Variants in CEP350 observed in about 807,000 individuals in gnomAD.
CEP350 encodes centrosomal protein 350.
Under a neutral mutation model 331.8 loss-of-function variants are expected in CEP350, and 126 were observed. The ratio of observed to expected loss-of-function variants is 0.38; its 90% CI spans 0.33 to 0.44. The LOEUF (loss-of-function observed/expected upper bound fraction) is 0.44, where lower values mean the gene tolerates loss of function less well. Among genes scored for constraint, CEP350 ranks in the 20% least tolerant of loss-of-function variants. The pLI is 1.00. For synonymous variants in CEP350, 1,200 were observed against 1,259.5 expected (o/e 0.95, Z 1.00); for missense variants, 3,406 against 3,634.6 (o/e 0.94, Z 1.62).
At chr1:180,071,459 C>CAAAAAA (rs35037785) in intron 27 of CEP350, among the ~76,000 whole-genome samples, 1 of 76,198 alleles carries the variant, frequency 1.3e-5, no homozygotes. Context: ...AACTCCATCT[C>CAAAAAA]AAAAAAAAAA....
intron 21 of CEP350, among the ~76,000 whole-genome samples, chr1:180,047,775 A>G (rs1389227629): frequency 6.8e-6 from 1 of 146,792 alleles, no homozygotes; most frequent in Non-Finnish European, 1.5e-5. Context: ...AAAAAAAAAA[A>G]AAAGAAAAGA....
intron 7 of CEP350, among the ~76,000 whole-genome samples, chr1:180,004,072 G>C (rs577178392): frequency 3.3e-5 from 5 of 152,164 alleles, no homozygotes; most frequent in Non-Finnish European, 5.9e-5. Context: ...GAAGAATAAT[G>C]TAATAGTTAA....
chr1:180,020,159 A>G lies in CEP350; in HGVS notation c.2385A>G (p.Thr795=), dbSNP rs1187436611. The G allele has an allele frequency of 6.2e-7, 1 of 1,613,988 alleles. No individual in the cohort carries two copies. Among genetic ancestry groups the G allele is most frequent in the South Asian group, 1.1e-5 (1 of 91,078 alleles). Residue 795 remains threonine (T), a synonymous_variant, in exon 12 of 38, where the codon ACA becomes ACG. Coordinates refer to ENST00000367607, the MANE Select transcript of CEP350 (RefSeq NM_014810.5). Reference sequence around the variant, plus strand: ...TGGCTTCAAGGCCATTAACTTTTACACCTCAACCATATGTGACCTCACCAG... The same window carrying G: ...TGGCTTCAAGGCCATTAACTTTTACGCCTCAACCATATGTGACCTCACCAG... ...HNMASRPLTF[T]PQPYVTSPAA...
chr1:180,075,547 G>A (rs1031445090), intron 28 of CEP350, among the ~76,000 whole-genome samples: 3 of 151,954 alleles, frequency 2.0e-5, no homozygotes, highest in East Asian at 3.9e-4. Flanking sequence ...TCCAGCCTGG[G>A]TGACAGAGTG....
intron 5 of CEP350, among the ~76,000 whole-genome samples, chr1:179,994,544 C>G (rs1653338122): frequency 6.6e-6 from 1 of 150,674 alleles, no homozygotes. Context: ...GCCTTGATCT[C>G]CTAGGCTCAA....
At chr1:179,968,112 C>T (rs1416364848) in intron 1 of CEP350, among the ~76,000 whole-genome samples, 1 of 152,102 alleles carries the variant, frequency 6.6e-6, no homozygotes, top group African/African-American at 2.4e-5. Flanking sequence ...GGGTGCATCA[C>T]CTGAGGTCAG....
intron 33 of CEP350, among the ~76,000 whole-genome samples, chr1:180,091,459 A>G (rs1660192942): frequency 6.6e-6 from 1 of 152,106 alleles, no homozygotes; most frequent in Non-Finnish European, 1.5e-5. Context: ...CTGGTTATAT[A>G]TATTTTCAGC....
chr1:180,014,652 G>A, intron 10 of CEP350, 147 bp downstream of exon 10: 3 of 756,484 alleles, frequency 4.0e-6, no homozygotes, highest in Non-Finnish European at 6.1e-6. Context: ...TTAAATATGA[G>A]GAGTAATGTG....
chr1:180,092,325 G>T (rs909081872), intron 33 of CEP350, among the ~76,000 whole-genome samples: 2 of 152,174 alleles, frequency 1.3e-5, no homozygotes, highest in African/African-American at 4.8e-5. Context: ...ATTTGAGGAT[G>T]AATGTGCAAA....
chr1:180,011,432 C>G (rs1654649295), intron 8 of CEP350, among the ~76,000 whole-genome samples: 1 of 152,054 alleles, frequency 6.6e-6, no homozygotes, highest in Admixed American at 6.6e-5. Flanking sequence ...TTTGTTTTGT[C>G]AAATTTGCTA....
chr1:180,007,657 T>C (rs1173115381), intron 8 of CEP350, among the ~76,000 whole-genome samples: 1 of 152,156 alleles, frequency 6.6e-6, no homozygotes, highest in African/African-American at 2.4e-5. Context: ...GCTTTTGGTG[T>C]TTTAGTCATG....
intron 4 of CEP350, among the ~76,000 whole-genome samples, chr1:179,991,318 T>TCTTTTC (rs10683347): frequency 1.6e-5 from 2 of 123,958 alleles, no homozygotes; most frequent in Admixed American, 7.6e-5. Context: ...TCTTTTCTTT[T>TCTTTTC]TTTTTTTTTT....
chr1:179,975,696 G>A (rs951349790), intron 1 of CEP350, among the ~76,000 whole-genome samples: 6 of 152,126 alleles, frequency 3.9e-5, no homozygotes, highest in African/African-American at 1.4e-4. Context: ...AAGAGTACAA[G>A]AAGAAAATTT....
At chr1:179,982,374 T>C (rs1045320804) in intron 1 of CEP350, among the ~76,000 whole-genome samples, 5 of 152,234 alleles carry the variant, frequency 3.3e-5, no homozygotes, top group Non-Finnish European at 7.3e-5. Context: ...TTGCATGTAG[T>C]TGTAATTCAT....
At chr1:179,971,662 C>T (rs1651464868) in intron 1 of CEP350, among the ~76,000 whole-genome samples, 1 of 152,094 alleles carries the variant, frequency 6.6e-6, no homozygotes, top group South Asian at 2.1e-4. Flanking sequence ...AACTGTATCT[C>T]AACAATAAAA....
rs777868832 is a variant in CEP350, at chr1:180,094,252, G to A, written c.8147G>A (p.Cys2716Tyr). ...TATGCTGAAGCTTCAGAAAAGCTTT[G>A]TACACCACTTCTGGATCTTTTAACA... ...NLYAEASEKL[C>Y]TPLLDLLTRE... Residue 2716 changes from cysteine (C) to tyrosine (Y), a missense_variant, in exon 34 of 38, where the codon TGT becomes TAT. Transcript: ENST00000367607. 5 of 1,613,136 alleles carry A rather than the reference G, an allele frequency of 3.1e-6. No individual in the cohort carries two copies. In the African/African-American group the frequency reaches 6.7e-5, roughly 22 times the overall value.
rs1214930720 is a variant in CEP350 at position 179,997,094 on chromosome 1, G to T, written c.937G>T (p.Val313Leu). Residue 313 changes from valine (V) to leucine (L), a missense_variant, in exon 6 of 38, where the codon GTA becomes TTA. Val to Leu is a conservative substitution (Grantham distance 32). Coordinates refer to ENST00000367607, the MANE Select transcript of CEP350 (RefSeq NM_014810.5). ...GAAGCTGGGTCATATTGACCATCCA[G>T]TAATGGTTGTTAATGTTGATAACTC... ...GQKLGHIDHP[V>L]MVVNVDNSVT... 11 of 1,613,990 alleles carry T rather than the reference G, an allele frequency of 6.8e-6. No homozygotes were observed. Among genetic ancestry groups the T allele is most frequent in the Admixed American group, 1.7e-5 (1 of 60,026 alleles).
chr1:179,984,484 T>A (rs1227571238), intron 1 of CEP350, among the ~76,000 whole-genome samples: 2 of 152,202 alleles, frequency 1.3e-5, no homozygotes, highest in Non-Finnish European at 2.9e-5. Context: ...CACATGGACA[T>A]CTATAGGATT....
rs750205261 is a variant in CEP350 at position 179,987,257 on chromosome 1, TG to T, written c.94del (p.Asp32MetfsTer10). The T allele has an allele frequency of 8.8e-5, 137 of 1,562,568 alleles. No homozygotes were observed. The highest frequency in any genetic ancestry group is 6.9e-4 in the South Asian group (60 of 87,422). On this transcript the variant is annotated frameshift_variant, in exon 3 of 38. Transcript: ENST00000367607. LOFTEE classifies it high-confidence loss of function. The stretch of plus-strand genomic sequence containing the variant: ...TTTCCCAGCAGATATAACCACATCG[TG>T]GGATGCACTTTCTCAAACCAAGGCT... Reference protein sequence around the residue: ...DTVQADITTSWDALSQTKAAL... With the variant: ...DTVQADITTSXDALSQTKAAL...
Sources: allele counts gnomAD v4.1 joint callset (sites outside exome capture counted in the v4.1 genomes callset), GRCh38; gene constraint gnomAD v4.1.1; transcripts MANE v1.5; gene names NCBI Gene and HGNC (gene_info 2026-07-23, HGNC 2026-07-21).